Variants in ZNF407 observed in about 807,000 individuals in gnomAD.
ZNF407 encodes zinc finger protein 407.
A neutral mutation model predicts 131.2 loss-of-function variants in ZNF407; 17 were observed. The observed-to-expected ratio is 0.13, with a 90% CI of 0.09 to 0.19. The LOEUF (loss-of-function observed/expected upper bound fraction) is 0.19, where lower values mean the gene tolerates loss of function less well. Among genes scored for constraint, ZNF407 ranks in the 10% least tolerant of loss-of-function variants. The pLI is 1.00. For missense variants in ZNF407, 2,681 were observed against 2,830.6 expected, an observed-to-expected ratio of 0.95 and a Z score of 1.20; for synonymous variants, 1,156 against 1,062.0, an observed-to-expected ratio of 1.09 and a Z score of -1.72.
intron 3 of ZNF407, among the ~76,000 whole-genome samples, chr18:74,710,356 A>G (rs1967729002): frequency 6.6e-6 from 1 of 152,132 alleles, no homozygotes; most frequent in African/African-American, 2.4e-5. Flanking sequence ...TTTTCACTTT[A>G]AGCTTTTAAT....
chr18:74,658,933 T>C (rs1985597292), intron 3 of ZNF407, among the ~76,000 whole-genome samples: 1 of 152,110 alleles, frequency 6.6e-6, no homozygotes, highest in Non-Finnish European at 1.5e-5. Flanking sequence ...TATCTATCTA[T>C]ATATATATTC....
intron 8 of ZNF407, among the ~76,000 whole-genome samples, chr18:74,932,617 T>C (rs1971995313): frequency 6.6e-6 from 1 of 152,156 alleles, no homozygotes; most frequent in African/African-American, 2.4e-5. Flanking sequence ...TATGTGTAAA[T>C]AAAATGAGAT....
Position 75,064,278 on chromosome 18 carries a change from A to G in ZNF407, c.6557A>G (p.Tyr2186Cys), listed in dbSNP as rs1224911931. 1.9e-6 allele frequency: 3 copies of G among 1,604,152 alleles called. No individual in the cohort carries two copies. Among genetic ancestry groups the G allele is most frequent in the Non-Finnish European group, 2.6e-6 (3 of 1,176,286 alleles). Residue 2186 changes from tyrosine to cysteine, a missense_variant, in exon 9 of 9, where the codon TAC becomes TGC. Physicochemically the swap from Tyr to Cys is radical, Grantham distance 194. Coordinates refer to ENST00000299687, the MANE Select transcript of ZNF407 (RefSeq NM_017757.3). ...GGGGTGCAGGACGAGCCGGGCCTGT[A>G]CTCCCACACCGTGCTGGAGACTGCG... ...PPGVQDEPGL[Y>C]SHTVLETADS...
intron 8 of ZNF407, among the ~76,000 whole-genome samples, chr18:75,042,332 C>A (rs1000270807): frequency 1.3e-5 from 2 of 152,080 alleles, no homozygotes; most frequent in Non-Finnish European, 2.9e-5. Context: ...ATATAATTTT[C>A]ATTATATCTA....
intron 8 of ZNF407, among the ~76,000 whole-genome samples, chr18:75,036,689 G>C (rs1329863977): frequency 6.6e-6 from 1 of 152,218 alleles, no homozygotes; most frequent in Non-Finnish European, 1.5e-5. Flanking sequence ...CTTTTTCCAA[G>C]GTGAATGTGA....
At chr18:74,978,814 G>A (rs965596621) in intron 8 of ZNF407, among the ~76,000 whole-genome samples, 11 of 152,188 alleles carry the variant, frequency 7.2e-5, no homozygotes, top group Non-Finnish European at 1.6e-4. Flanking sequence ...GGTGGTCATT[G>A]AAGTGGTAGA....
intron 8 of ZNF407, among the ~76,000 whole-genome samples, chr18:74,921,740 A>T (rs1275438521): frequency 6.6e-6 from 1 of 152,218 alleles, no homozygotes; most frequent in East Asian, 1.9e-4. Context: ...TGCTGTAGGC[A>T]TGAACATTTA....
intron 3 of ZNF407, among the ~76,000 whole-genome samples, chr18:74,709,423 A>G (rs1244813726): frequency 1.3e-5 from 2 of 152,246 alleles, no homozygotes; most frequent in African/African-American, 2.4e-5. Flanking sequence ...TTTATGCTCA[A>G]AATCTGTAAT....
At chr18:74,642,593 A>G (rs549510641) in intron 3 of ZNF407, among the ~76,000 whole-genome samples, 1 of 152,276 alleles carries the variant, frequency 6.6e-6, no homozygotes, top group African/African-American at 2.4e-5. Context: ...TTCACAGAAC[A>G]GTTTCTAATG....
chr18:74,986,882 G>A (rs1164743058), intron 8 of ZNF407, among the ~76,000 whole-genome samples: 1 of 151,974 alleles, frequency 6.6e-6, no homozygotes, highest in African/African-American at 2.4e-5. Context: ...AGAAAAAGGG[G>A]GAGATTTTTT....
chr18:75,002,804 CAAAAAA>C (rs11337117), intron 8 of ZNF407, among the ~76,000 whole-genome samples: 1 of 109,942 alleles, frequency 9.1e-6, no homozygotes, highest in Non-Finnish European at 1.9e-5. Context: ...GACTCCGGCT[CAAAAAA>C]AAAAAAAAAA....
chr18:74,828,928 G>A (rs1210426472), intron 4 of ZNF407, among the ~76,000 whole-genome samples: 2 of 152,118 alleles, frequency 1.3e-5, no homozygotes, highest in Non-Finnish European at 2.9e-5. Flanking sequence ...AGGGCTAACC[G>A]TCCTCCTCTA....
intron 8 of ZNF407, among the ~76,000 whole-genome samples, chr18:74,973,109 T>A (rs1972490665): frequency 6.6e-6 from 1 of 151,672 alleles, no homozygotes; most frequent in Admixed American, 6.6e-5. Context: ...TAAAACTTTT[T>A]TAGTGATTAT....
At chr18:75,039,750 G>T (rs2122238161) in intron 8 of ZNF407, among the ~76,000 whole-genome samples, 1 of 117,104 alleles carries the variant, frequency 8.5e-6, no homozygotes, top group Admixed American at 1.1e-4. Context: ...ATCCATTACA[G>T]AGTCTTTCCT....
chr18:74,799,321 C>A (rs1969977557), intron 4 of ZNF407, among the ~76,000 whole-genome samples: 1 of 152,090 alleles, frequency 6.6e-6, no homozygotes, highest in African/African-American at 2.4e-5. Context: ...CAGAAACAGT[C>A]TCAGCACTGT....
intron 8 of ZNF407, among the ~76,000 whole-genome samples, chr18:75,059,733 G>C (rs1973602435): frequency 6.6e-6 from 1 of 152,154 alleles, no homozygotes; most frequent in Admixed American, 6.5e-5. Context: ...ATGAATACAG[G>C]AGCTGTGGGC....
chr18:74,832,130 T>G (rs1970493778), intron 4 of ZNF407, among the ~76,000 whole-genome samples: 1 of 152,284 alleles, frequency 6.6e-6, no homozygotes, highest in Non-Finnish European at 1.5e-5. Flanking sequence ...TTGTGCTGGG[T>G]TCTTACACCT....
At chr18:74,852,475 C>G (rs949797799) in intron 4 of ZNF407, among the ~76,000 whole-genome samples, 6 of 151,846 alleles carry the variant, frequency 4.0e-5, no homozygotes, top group Non-Finnish European at 5.9e-5. Context: ...AGAATGAAGA[C>G]TATATAATAT....
At chr18:74,814,355 C>T (rs1970238802) in intron 4 of ZNF407, among the ~76,000 whole-genome samples, 1 of 152,020 alleles carries the variant, frequency 6.6e-6, no homozygotes, top group Non-Finnish European at 1.5e-5. Context: ...GAATTCCTGG[C>T]CTCTAATGAT....
Sources: allele counts gnomAD v4.1 joint callset (sites outside exome capture counted in the v4.1 genomes callset), GRCh38; gene constraint gnomAD v4.1.1; transcripts MANE v1.5; gene names NCBI Gene and HGNC (gene_info 2026-07-23, HGNC 2026-07-21).